Variants in FAM135A observed in about 807,000 individuals in gnomAD.
FAM135A encodes protein FAM135A.
In FAM135A, 79 loss-of-function variants were observed where a neutral mutation model predicts 146.8. That is an observed-to-expected ratio of 0.54 (90% confidence interval 0.45 to 0.65). The LOEUF (loss-of-function observed/expected upper bound fraction) is 0.65, where lower values mean the gene tolerates loss of function less well. Ranked by LOEUF, FAM135A falls within the 30% of genes least tolerant of loss-of-function variation. The probability of loss-of-function intolerance (pLI) is 0.00; values close to 1 mark genes in which losing one functional copy is unlikely to be tolerated. For synonymous variants in FAM135A, 562 were observed against 603.6 expected, an observed-to-expected ratio of 0.93 and a Z score of 1.01; for missense variants, 1,623 against 1,758.2, an observed-to-expected ratio of 0.92 and a Z score of 1.38.
chr6:70,530,110 C>G (rs1795526692), intron 16 of FAM135A, among the ~76,000 whole-genome samples: 2 of 151,954 alleles, frequency 1.3e-5, no homozygotes, highest in Non-Finnish European at 2.9e-5. Context: ...TAACCAAACT[C>G]TAGCACTTGG....
Position 70,430,213 on chromosome 6 carries a change from T to G in FAM135A, c.77+1794T>G, listed in dbSNP as rs189190685. ...TTACCCAGGTGTGGTGGTGGACGCC[T>G]GTAATCCCAGCTACTCGGGAGGCTG... On this transcript the variant is annotated intron_variant, in intron 4 of 21. Transcript: ENST00000418814. Among the ~76,000 whole-genome samples the G allele has an allele frequency of 5.6e-3, 853 of 152,100 alleles. 3 individuals are homozygous for G. Among genetic ancestry groups the G allele is most frequent in the Non-Finnish European group, 8.2e-3 (558 of 68,000 alleles).
intron 2 of FAM135A, among the ~76,000 whole-genome samples, chr6:70,422,713 C>T (rs1046783551): frequency 8.5e-5 from 13 of 152,202 alleles, no homozygotes; most frequent in Middle Eastern, 3.4e-3. Flanking sequence ...TTCCTTTCTC[C>T]AAGTTGGTTG....
intron 1 of FAM135A, among the ~76,000 whole-genome samples, chr6:70,414,521 C>G (rs1209051507): frequency 6.6e-6 from 1 of 151,920 alleles, no homozygotes; most frequent in Non-Finnish European, 1.5e-5. Context: ...ACCCTCCCCC[C>G]CCCATTTGTA....
chr6:70,528,229 C>T (rs1795103580), intron 15 of FAM135A, 63 bp from the exon 16 acceptor site: 17 of 1,458,010 alleles, frequency 1.2e-5, no homozygotes, highest in Middle Eastern at 4.3e-4. Context: ...TCTCTAAATT[C>T]AGGAGGGTTC....
At chr6:70,420,889 T>G (rs999683567) in intron 2 of FAM135A, among the ~76,000 whole-genome samples, 3 of 152,236 alleles carry the variant, frequency 2.0e-5, no homozygotes, top group African/African-American at 4.8e-5. Flanking sequence ...TACTTTTTTT[T>G]TTTTGTTTTT....
chr6:70,511,829 A>G lies in FAM135A; in HGVS notation c.1029+9038A>G, dbSNP rs567024619. Reference sequence around the variant, plus strand: ...CTAGATAATACAGCCTGTTACTCCTACGCTACAAACCTGTACAGCATGTGA... The same window carrying G: ...CTAGATAATACAGCCTGTTACTCCTGCGCTACAAACCTGTACAGCATGTGA... On this transcript the variant is annotated intron_variant, in intron 12 of 21. Coordinates refer to ENST00000418814, the MANE Select transcript of FAM135A (RefSeq NM_001162529.3). Among the ~76,000 whole-genome samples the G allele has an allele frequency of 3.3e-5, 5 of 152,058 alleles. No homozygotes were observed. In the South Asian group the frequency reaches 8.3e-4, roughly 25 times the overall value.
At chr6:70,535,678 C>G (rs1796656117) in intron 18 of FAM135A, among the ~76,000 whole-genome samples, 1 of 152,120 alleles carries the variant, frequency 6.6e-6, no homozygotes, top group Non-Finnish European at 1.5e-5. Context: ...TGATTTAAAC[C>G]ATTTCATAAC....
rs992115262 is a variant in FAM135A at position 70,522,644 on chromosome 6, G to A, written c.1103+58G>A. 3 of 1,366,166 alleles carry A rather than the reference G, an allele frequency of 2.2e-6. No individual in the cohort carries two copies. The African/African-American group carries it at 4.3e-5, about 20-fold the overall frequency. The allele number at this position is 1,366,166 out of a possible 1,614,324, so 84.6% of individuals were successfully genotyped here. ...TTACTTCCTTTTACATAAGATACCTGTCTCAGAATTTATCAGTGACAGAAT... is the reference window on the plus strand; with the variant it reads ...TTACTTCCTTTTACATAAGATACCTATCTCAGAATTTATCAGTGACAGAAT... On this transcript the variant is annotated intron_variant, in intron 13 of 21. Coordinates refer to ENST00000418814, the MANE Select transcript of FAM135A (RefSeq NM_001162529.3).
At chr6:70,451,893 A>G (rs1403605371) in intron 4 of FAM135A, among the ~76,000 whole-genome samples, 1 of 152,042 alleles carries the variant, frequency 6.6e-6, no homozygotes, top group Non-Finnish European at 1.5e-5. Flanking sequence ...CAGTCATATT[A>G]TAGTTTTTAC....
At chr6:70,414,867 TACAA>T (rs1300663294) in intron 1 of FAM135A, among the ~76,000 whole-genome samples, 4 of 152,232 alleles carry the variant, frequency 2.6e-5, no homozygotes, top group African/African-American at 4.8e-5. Context: ...AAGGTTGACC[TACAA>T]ACATACACTT....
At chr6:70,549,802 A>G (rs1009624873) in intron 20 of FAM135A, among the ~76,000 whole-genome samples, 12 of 152,178 alleles carry the variant, frequency 7.9e-5, no homozygotes, top group African/African-American at 2.9e-4. Flanking sequence ...CCTTTCACAA[A>G]AGATATCTCT....
In FAM135A at chr6:70,525,864, A is replaced by G; in HGVS notation, c.2780A>G (p.Asp927Gly). 6.8e-6 allele frequency: 11 copies of G among 1,611,970 alleles called. No individual in the cohort carries two copies. The highest frequency in any genetic ancestry group is 9.3e-6 in the Non-Finnish European group (11 of 1,179,254). The change falls in exon 15 of 22, where the codon GAT (aspartate) becomes GGT (glycine). Residue 927 changes from aspartate (D) to glycine (G), a missense_variant. Physicochemically the swap from Asp to Gly is moderately conservative, Grantham distance 94. Transcript: ENST00000418814. ...IKDPLQFVFS[D>G]EETSSDVKSS... ...GACCCTTTACAATTTGTTTTTTCAG[A>G]TGAAGAGACTTCCAGTGATGTGAAA... is the stretch of plus-strand genomic sequence containing the variant.
rs1479680296 is a variant in FAM135A at position 70,525,190 on chromosome 6, T to C, written c.2106T>C (p.Asn702=). 2 of 1,595,258 alleles carry C rather than the reference T, an allele frequency of 1.3e-6. No homozygotes were observed. The highest frequency in any genetic ancestry group is 1.7e-6 in the Non-Finnish European group (2 of 1,173,740). ...LLPNFESLES[N]GKSKSIEITF... ...CCAACTTTGAGTCCTTAGAATCTAA[T>C]GGTAAATCTAAATCTATAGAAATAA... The change falls in exon 15 of 22, where the codon AAT becomes AAC. Residue 702 remains asparagine, a synonymous_variant. Transcript: ENST00000418814.
At chr6:70,452,134 A>G (rs1476497708) in intron 4 of FAM135A, among the ~76,000 whole-genome samples, 1 of 152,050 alleles carries the variant, frequency 6.6e-6, no homozygotes, top group Non-Finnish European at 1.5e-5. Flanking sequence ...AAATTACATT[A>G]TAAGTAATTA....
intron 10 of FAM135A, chr6:70,486,379 T>G: frequency 3.0e-6 from 2 of 666,886 alleles, no homozygotes; most frequent in Non-Finnish European, 4.7e-6. Context: ...AGAACTTACC[T>G]TTAAAATCAA....
intron 10 of FAM135A, among the ~76,000 whole-genome samples, chr6:70,482,884 T>C (rs570332166): frequency 2.0e-5 from 3 of 151,996 alleles, no homozygotes; most frequent in Non-Finnish European, 4.4e-5. Context: ...TATTGGCTAA[T>C]AGCTTATAAA....
intron 11 of FAM135A, among the ~76,000 whole-genome samples, chr6:70,499,112 G>A (rs748039022): frequency 2.2e-4 from 34 of 152,190 alleles, no homozygotes; most frequent in Non-Finnish European, 4.1e-4. Flanking sequence ...GGGAGTCTAA[G>A]TCTCTTTGTA....
intron 10 of FAM135A, chr6:70,486,157 T>G: frequency 1.2e-6 from 2 of 1,613,310 alleles, no homozygotes; most frequent in Non-Finnish European, 1.7e-6. Flanking sequence ...TGTGCAATCC[T>G]TATGACTAGC....
intron 11 of FAM135A, among the ~76,000 whole-genome samples, chr6:70,497,671 A>G (rs1267581809): frequency 6.6e-6 from 1 of 152,216 alleles, no homozygotes; most frequent in Non-Finnish European, 1.5e-5. Flanking sequence ...GATACGTTCC[A>G]TCAATACCTA....
Sources: allele counts gnomAD v4.1 joint callset (sites outside exome capture counted in the v4.1 genomes callset), GRCh38; gene constraint gnomAD v4.1.1; transcripts MANE v1.5; gene names NCBI Gene and HGNC (gene_info 2026-07-23, HGNC 2026-07-21).